Variants in DCDC1 observed in about 807,000 individuals in gnomAD.
DCDC1 encodes the protein doublecortin domain-containing protein 1.
DCDC1 carries 200 observed loss-of-function variants against 178.3 expected under a neutral mutation model. The observed-to-expected ratio is 1.12, with a 90% CI of 1.00 to 1.26. The LOEUF (loss-of-function observed/expected upper bound fraction) is 1.26. Among genes scored for constraint, DCDC1 ranks in the 50% most tolerant of loss-of-function variants. The probability of loss-of-function intolerance (pLI) is 0.00; values close to 1 mark genes in which losing one functional copy is unlikely to be tolerated. For synonymous variants in DCDC1, 690 were observed against 604.8 expected (o/e 1.14, Z -2.07); for missense variants, 1,983 against 1,749.2 (o/e 1.13, Z -2.38).
At chr11:31,127,191 G>A (rs1175362380) in intron 11 of DCDC1, among the ~76,000 whole-genome samples, 5 of 152,148 alleles carry the variant, frequency 3.3e-5, no homozygotes, top group African/African-American at 4.8e-5. Flanking sequence ...TCTTGGAAAA[G>A]TGTGCAAATG....
At chr11:31,246,050 A>G (rs1051192382) in intron 8 of DCDC1, among the ~76,000 whole-genome samples, 2 of 151,904 alleles carry the variant, frequency 1.3e-5, no homozygotes, top group African/African-American at 4.8e-5. Flanking sequence ...GGGAATATAT[A>G]TCCCTCTCCA....
At chr11:30,895,687 A>T (rs1455499325) in intron 34 of DCDC1, among the ~76,000 whole-genome samples, 1 of 152,328 alleles carries the variant, frequency 6.6e-6, no homozygotes, top group Non-Finnish European at 1.5e-5. Context: ...CAATTTATGG[A>T]TGTGAAGAAA....
intron 7 of DCDC1, among the ~76,000 whole-genome samples, chr11:31,285,864 A>C (rs1232215572): frequency 6.7e-6 from 1 of 149,242 alleles, no homozygotes; most frequent in Non-Finnish European, 1.5e-5. Flanking sequence ...ACACATAACC[A>C]CTCTTTTTCT....
At chr11:31,200,449 G>C (rs1971156067) in intron 9 of DCDC1, among the ~76,000 whole-genome samples, 1 of 151,992 alleles carries the variant, frequency 6.6e-6, no homozygotes. Flanking sequence ...TGAAAAACCA[G>C]GAAGAAATGC....
chr11:31,209,169 C>T (rs1470265188), intron 9 of DCDC1, among the ~76,000 whole-genome samples: 1 of 152,094 alleles, frequency 6.6e-6, no homozygotes, highest in African/African-American at 2.4e-5. Flanking sequence ...TGTAGAAATA[C>T]AAAATTTGCA....
intron 21 of DCDC1, among the ~76,000 whole-genome samples, chr11:30,950,714 G>A (rs1271843712): frequency 6.6e-6 from 1 of 151,998 alleles, no homozygotes; most frequent in Non-Finnish European, 1.5e-5. Context: ...GAAAGGTAGC[G>A]GGGAGGAGGG....
intron 7 of DCDC1, among the ~76,000 whole-genome samples, chr11:31,270,280 A>G (rs1246786961): frequency 6.6e-6 from 1 of 152,226 alleles, no homozygotes; most frequent in Non-Finnish European, 1.5e-5. Flanking sequence ...TTCAAATTTA[A>G]GTACTGTACA....
At chr11:31,117,188 C>T (rs1011220971) in intron 11 of DCDC1, among the ~76,000 whole-genome samples, 1 of 152,040 alleles carries the variant, frequency 6.6e-6, no homozygotes, top group Non-Finnish European at 1.5e-5. Flanking sequence ...GATTTTCAAT[C>T]GCAGCTTTCT....
rs1957278840 is a variant in DCDC1 at position 31,082,993 on chromosome 11, G to A, written c.2238-5068C>T. ...GGACAACTTTCTATTTGATGTTGAC[G>A]TTTCTAATGGTGTAACCTATATGTG... On this transcript the variant is annotated intron_variant, in intron 17 of 38. Transcript: ENST00000684477. Among the ~76,000 whole-genome samples the A allele has an allele frequency of 3.9e-5, 6 of 152,142 alleles. No individual in the cohort carries two copies. In the South Asian group the frequency reaches 6.2e-4, roughly 16 times the overall value.
chr11:31,251,984 T>C (rs1160373589), intron 8 of DCDC1, among the ~76,000 whole-genome samples: 1 of 152,168 alleles, frequency 6.6e-6, no homozygotes, highest in Non-Finnish European at 1.5e-5. Context: ...CATGATACAA[T>C]TAAAGTATTG....
At chr11:31,291,532 A>G (rs997182645) in intron 6 of DCDC1, among the ~76,000 whole-genome samples, 8 of 152,082 alleles carry the variant, frequency 5.3e-5, no homozygotes, top group Non-Finnish European at 8.8e-5. Context: ...ATTACTATGT[A>G]TGACTTCGAA....
At chr11:31,091,854 T>C (rs895366933) in intron 16 of DCDC1, among the ~76,000 whole-genome samples, 3 of 152,176 alleles carry the variant, frequency 2.0e-5, no homozygotes, top group Non-Finnish European at 4.4e-5. Context: ...ACCGGAAATA[T>C]GTATGCACAG....
chr11:31,339,444 A>G (rs962897467), intron 1 of DCDC1, among the ~76,000 whole-genome samples: 1 of 152,188 alleles, frequency 6.6e-6, no homozygotes, highest in Admixed American at 6.5e-5. Flanking sequence ...ATTCAGCCTA[A>G]GGTATTTTGT....
intron 10 of DCDC1, among the ~76,000 whole-genome samples, chr11:31,136,814 T>C (rs1963190270): frequency 6.6e-6 from 1 of 152,170 alleles, no homozygotes; most frequent in Non-Finnish European, 1.5e-5. Context: ...TTATGGACTA[T>C]GCTGTCAACT....
intron 9 of DCDC1, among the ~76,000 whole-genome samples, chr11:31,154,338 T>A (rs555868993): frequency 7.2e-5 from 11 of 152,178 alleles, no homozygotes; most frequent in Non-Finnish European, 1.5e-4. Flanking sequence ...CACTCACACA[T>A]ACACTCAGAC....
chr11:31,057,973 G>C (rs1442058531), intron 20 of DCDC1, among the ~76,000 whole-genome samples: 2 of 152,084 alleles, frequency 1.3e-5, no homozygotes, highest in East Asian at 3.8e-4. Flanking sequence ...GGACAGCTCT[G>C]TGTGGGGACA....
At chr11:31,050,088 G>A (rs1042422621) in intron 20 of DCDC1, among the ~76,000 whole-genome samples, 4 of 152,160 alleles carry the variant, frequency 2.6e-5, no homozygotes, top group Admixed American at 6.5e-5. Context: ...TCACAGCTGG[G>A]AGGCAGATAG....
chr11:31,095,166 T>C (rs1237710304), intron 15 of DCDC1, among the ~76,000 whole-genome samples: 1 of 152,202 alleles, frequency 6.6e-6, no homozygotes, highest in Non-Finnish European at 1.5e-5. Context: ...ATGTGCCACA[T>C]TTTCTTTATC....
intron 10 of DCDC1, among the ~76,000 whole-genome samples, chr11:31,128,965 T>C (rs907881105): frequency 6.6e-6 from 1 of 151,246 alleles, no homozygotes; most frequent in African/African-American, 2.4e-5. Flanking sequence ...ATCCTACAGC[T>C]CATTTCAATA....
Sources: allele counts gnomAD v4.1 joint callset (sites outside exome capture counted in the v4.1 genomes callset), GRCh38; gene constraint gnomAD v4.1.1; transcripts MANE v1.5; gene names NCBI Gene and HGNC (gene_info 2026-07-23, HGNC 2026-07-21).